The following KRT40 variants were observed in gnomAD, a reference collection of about 807,000 sequenced individuals.
KRT40 encodes keratin, type I cytoskeletal 40.
Under a neutral mutation model 43.5 loss-of-function variants are expected in KRT40, and 47 were observed. The ratio of observed to expected loss-of-function variants is 1.08; its 90% CI spans 0.86 to 1.38. KRT40 has a LOEUF of 1.38. Among genes scored for constraint, KRT40 ranks in the 40% most tolerant of loss-of-function variants. The probability of loss-of-function intolerance (pLI) is 0.00; values close to 1 mark genes in which losing one functional copy is unlikely to be tolerated. For missense variants in KRT40, 573 were observed against 523.6 expected (o/e 1.09, Z -0.92); for synonymous variants, 212 against 214.0 (o/e 0.99, Z 0.08).
chr17:40,978,070 G>A lies in KRT40; in HGVS notation c.*127C>T. 7.4e-6 allele frequency: 5 copies of A among 677,670 alleles called. No individual in the cohort carries two copies. Among genetic ancestry groups the A allele is most frequent in the Non-Finnish European group, 1.1e-5 (4 of 379,500 alleles). 42.0% of individuals were successfully genotyped at this position (677,670 alleles called of 1,614,324 possible). On this transcript the variant is annotated 3_prime_UTR_variant, in exon 7 of 7. Coordinates refer to ENST00000377755, the MANE Select transcript of KRT40 (RefSeq NM_001389244.1). ...TAAAGCAGAAAGACTGAGGATACCT[G>A]GAGGGCAATTCCAGGATATGAGAGC...
Position 40,983,148 on chromosome 17 carries a change from G to T in KRT40, c.448-20C>A, listed in dbSNP as rs367707981. On this transcript the variant is annotated intron_variant, in intron 1 of 6. Coordinates refer to ENST00000377755, the MANE Select transcript of KRT40 (RefSeq NM_001389244.1). ...TAAGATCTGGGAAGCAAGTCATTAT[G>T]TGATAAATGATTCTTTGAGAGAAAC... 75 of 1,077,638 alleles carry T rather than the reference G, an allele frequency of 7.0e-5. No homozygotes were observed. The highest frequency in any genetic ancestry group is 1.2e-4 in the Admixed American group (6 of 52,050). 66.8% of individuals were successfully genotyped at this position (1,077,638 alleles called of 1,614,324 possible).
At chr17:40,981,280 G>T in intron 3 of KRT40, 129 bp from the exon 4 acceptor site, 1 of 1,536,036 alleles carries the variant, frequency 6.5e-7, no homozygotes, top group Non-Finnish European at 8.8e-7. Flanking sequence ...AGATTGCCTG[G>T]GCTGAATCTC....
chr17:40,979,893 G>A (rs1912039834), intron 5 of KRT40, among the ~76,000 whole-genome samples: 1 of 152,094 alleles, frequency 6.6e-6, no homozygotes, highest in South Asian at 2.1e-4. Flanking sequence ...TAGATGGGAG[G>A]ACTTGAAATG....
intron 1 of KRT40, 39 bp downstream of exon 1, chr17:40,983,788 G>T (rs773524209): frequency 2.5e-6 from 4 of 1,584,336 alleles, no homozygotes; most frequent in Admixed American, 3.4e-5. Context: ...GCAAACCATA[G>T]ATCAGGAAGG....
At chr17:40,983,263 T>A (rs1912283638) in intron 1 of KRT40, 135 bp from the exon 2 acceptor site, 1 of 501,418 alleles carries the variant, frequency 2.0e-6, no homozygotes, top group East Asian at 3.1e-5. Flanking sequence ...GCCTGCTTTT[T>A]TTTATTAACC....
In KRT40 at chr17:40,982,562, G is replaced by A. The variant is rs1385313466; in HGVS notation, c.531-99C>T. 23 of 960,172 alleles carry A rather than the reference G, an allele frequency of 2.4e-5. No individual in the cohort carries two copies. The Admixed American group carries it at 2.6e-4, about 11-fold the overall frequency. 59.5% of individuals were successfully genotyped at this position (960,172 alleles called of 1,614,324 possible). The stretch of plus-strand genomic sequence containing the variant: ...CGACACACGGACTTCAGGAAGCCAT[G>A]TGCATAATTTCTCTTAATTCCTAAG... On this transcript the variant is annotated intron_variant, in intron 2 of 6. Transcript: ENST00000377755.
rs8064910 is a variant in KRT40 at position 40,978,953 on chromosome 17, A to G, written c.1047T>C (p.Cys349=). 897,556 of 1,612,796 alleles carry G rather than the reference A, an allele frequency of 0.56. 256,835 individuals are homozygous for G. Among genetic ancestry groups the G allele is most frequent in the African/African-American group, 0.88 (65,574 of 74,812 alleles). ...GCTGGTTCTCCAGGTTATCGATCAG[A>G]CACTGAATTTGGGCCAGCTGGGAGC... ...QYSSQLAQIQ[C]LIDNLENQLA... The change falls in exon 6 of 7, where the codon TGT becomes TGC. Residue 349 remains cysteine (C), a synonymous_variant. Transcript: ENST00000377755.
chr17:40,980,821 A>G lies in KRT40; in HGVS notation c.939T>C (p.Ser313=), dbSNP rs766729937. ...MEILELKRTA[S]ALEIELQAQQ... Reference sequence around the variant, plus strand: ...GTGCTTGGAGCTCAATTTCCAGAGCACTGGCTGTGCGTTTCAGTTCCAAGA... The same window carrying G: ...GTGCTTGGAGCTCAATTTCCAGAGCGCTGGCTGTGCGTTTCAGTTCCAAGA... The change falls in exon 5 of 7, where the codon AGT becomes AGC. Residue 313 remains serine (S), a synonymous_variant. Transcript: ENST00000377755. 1.2e-6 allele frequency: 2 copies of G among 1,612,148 alleles called. No individual in the cohort carries two copies. The highest frequency in any genetic ancestry group is 1.7e-5 in the Admixed American group (1 of 59,638).
At position 40,978,273 on chromosome 17, in the gene KRT40, G is replaced by A; in HGVS notation, c.1220C>T (p.Thr407Ile). The change falls in exon 7 of 7, where the codon ACC becomes ATC. Residue 407 changes from threonine (T) to isoleucine (I), a missense_variant. By Grantham distance (89) the Thr-to-Ile change is moderately conservative. Transcript: ENST00000377755. ...DSRLSCSPCS[T>I]TCTSSNTCEP... is the part of the protein sequence containing the mutation. ...ACAAGTGTTGCTCGAGGTGCATGTG[G>A]TCGAACATGGGCTACAGGAAAGCCT... 6.2e-7 allele frequency: 1 copy of A among 1,614,046 alleles called. No individual in the cohort carries two copies. Among genetic ancestry groups the A allele is most frequent in the Non-Finnish European group, 8.5e-7 (1 of 1,179,914 alleles).
At position 40,983,861 on chromosome 17, in the gene KRT40, C is replaced by T. The variant is rs778930790; in HGVS notation, c.413G>A (p.Arg138His). ...DIPMVCPDYQ[R>H]YFNTIEDLQQ... Reference sequence around the variant, plus strand: ...GAGATCTTCAATGGTGTTGAAGTAACGCTGATAATCCGGGCACACCATTGG... The same window carrying T: ...GAGATCTTCAATGGTGTTGAAGTAATGCTGATAATCCGGGCACACCATTGG... The change falls in exon 1 of 7, where the codon CGT becomes CAT. Residue 138 changes from arginine to histidine, a missense_variant. By Grantham distance (29) the Arg-to-His change is conservative. Coordinates refer to ENST00000377755, the MANE Select transcript of KRT40 (RefSeq NM_001389244.1). 33 of 1,614,156 alleles carry T rather than the reference C, an allele frequency of 2.0e-5. No individual in the cohort carries two copies. In the African/African-American group the frequency reaches 2.1e-4, roughly 10 times the overall value.
At chr17:40,980,288 G>T (rs1194143645) in intron 5 of KRT40, among the ~76,000 whole-genome samples, 1 of 152,134 alleles carries the variant, frequency 6.6e-6, no homozygotes, top group Non-Finnish European at 1.5e-5. Context: ...AGGGCCTAAT[G>T]ACATGCACAC....
intron 5 of KRT40, among the ~76,000 whole-genome samples, chr17:40,979,381 G>C (rs550701131): frequency 6.6e-6 from 1 of 152,126 alleles, no homozygotes; most frequent in African/African-American, 2.4e-5. Flanking sequence ...TGGGTACGGT[G>C]GTGGACGCCT....
chr17:40,978,279 CAT>C lies in KRT40; in HGVS notation c.1212_1213del (p.Cys405PhefsTer11). 6.2e-7 allele frequency: 1 copy of C among 1,613,928 alleles called. No individual in the cohort carries two copies. The highest frequency in any genetic ancestry group is 8.5e-7 in the Non-Finnish European group (1 of 1,179,854). On this transcript the variant is annotated frameshift_variant, in exon 7 of 7. Coordinates refer to ENST00000377755, the MANE Select transcript of KRT40 (RefSeq NM_001389244.1). LOFTEE classifies it low-confidence loss of function (END_TRUNC). ...GTTGCTCGAGGTGCATGTGGTCGAA[CAT>C]GGGCTACAGGAAAGCCTGGGGAAAA...
At chr17:40,979,497 G>A (rs1417950027) in intron 5 of KRT40, among the ~76,000 whole-genome samples, 9 of 118,206 alleles carry the variant, frequency 7.6e-5, no homozygotes, top group African/African-American at 4.1e-4. Context: ...GGGAGACTCC[G>A]TCCAAAAAAA....
At position 40,983,186 on chromosome 17, in the gene KRT40, C is replaced by G; in HGVS notation, c.448-58G>C. ...CTTTGAGAGAAACCTAAGTAAACTT[C>G]TATCCAACAGCTATGCCATTAGCTA... On this transcript the variant is annotated intron_variant, in intron 1 of 6. Transcript: ENST00000377755. 5 of 742,610 alleles carry G rather than the reference C, an allele frequency of 6.7e-6. No homozygotes were observed. The South Asian group carries it at 8.2e-5, about 12-fold the overall frequency. 46.0% of individuals were successfully genotyped at this position (742,610 alleles called of 1,614,324 possible).
At chr17:40,982,892 C>T (rs565015569) in intron 2 of KRT40, among the ~76,000 whole-genome samples, 154 bp downstream of exon 2, 55 of 152,216 alleles carry the variant, frequency 3.6e-4, no homozygotes, top group African/African-American at 8.4e-4. Context: ...CCTGTAATCC[C>T]GGCTACTCAG....
chr17:40,979,145 C>T (rs544923861), intron 5 of KRT40, 121 bp from the exon 6 acceptor site: 18 of 687,952 alleles, frequency 2.6e-5, no homozygotes, highest in Non-Finnish European at 3.6e-5. Context: ...TATTTAGCTT[C>T]TGTGAGTCTC....
Position 40,978,132 on chromosome 17 carries a change from T to C in KRT40, c.*65A>G. On this transcript the variant is annotated 3_prime_UTR_variant, in exon 7 of 7. Coordinates refer to ENST00000377755, the MANE Select transcript of KRT40 (RefSeq NM_001389244.1). The stretch of plus-strand genomic sequence containing the variant: ...GTGCTTCCGGTTTGGATGTCCCTGG[T>C]TGAAGCCCCATCTCCTTTCTAGGAT... 2 of 1,253,142 alleles carry C rather than the reference T, an allele frequency of 1.6e-6. No individual in the cohort carries two copies. Among genetic ancestry groups the C allele is most frequent in the East Asian group, 2.3e-5 (1 of 43,108 alleles). 77.6% of individuals were successfully genotyped at this position (1,253,142 alleles called of 1,614,324 possible).
rs776184012 is a variant in KRT40, at chr17:40,978,806, G to A, written c.1194C>T (p.Ser398=). ...TYWGLLDSED[S]RLSCSPCSTT... ...TCATGAGTAACTGTGGAACTTGCCT[G>A]CTGTCCTCGCTGTCCAGCAGGCCCC... The change falls in exon 6 of 7, where the codon AGC becomes AGT. Residue 398 remains serine, a splice_region_variant and synonymous_variant. Coordinates refer to ENST00000377755, the MANE Select transcript of KRT40 (RefSeq NM_001389244.1). 2 of 1,611,052 alleles carry A rather than the reference G, an allele frequency of 1.2e-6. No individual in the cohort carries two copies. Among genetic ancestry groups the A allele is most frequent in the East Asian group, 2.2e-5 (1 of 44,866 alleles).
Sources: gnomAD v4.1 joint callset for allele counts (sites outside exome capture counted in the v4.1 genomes callset) on GRCh38, gnomAD v4.1.1 for gene constraint, MANE v1.5 for transcripts, NCBI Gene and HGNC (gene_info 2026-07-23, HGNC 2026-07-21) for gene names.